The following GLP2R variants were observed in gnomAD, a reference collection of about 807,000 sequenced individuals.
GLP2R encodes the protein glucagon like peptide 2 receptor, also known as glucagon-like peptide 2 receptor.
GLP2R carries 59 observed loss-of-function variants against 68.2 expected under a neutral mutation model. The observed-to-expected ratio is 0.87, with a 90% CI of 0.70 to 1.07. The LOEUF (loss-of-function observed/expected upper bound fraction) is 1.07. Among genes scored for constraint, GLP2R ranks in the 50% least tolerant of loss-of-function variants. The probability of loss-of-function intolerance (pLI) is 0.00; values close to 1 mark genes in which losing one functional copy is unlikely to be tolerated. For missense variants in GLP2R, 548 were observed against 677.4 expected, an observed-to-expected ratio of 0.81 and a Z score of 2.12; for synonymous variants, 270 against 265.4, an observed-to-expected ratio of 1.02 and a Z score of -0.17.
chr17:9,838,379 G>T (rs2066753509), intron 3 of GLP2R, among the ~76,000 whole-genome samples: 1 of 152,190 alleles, frequency 6.6e-6, no homozygotes, highest in Non-Finnish European at 1.5e-5. Context: ...GCTGCCGCTT[G>T]GTCCGCGGGA....
intron 9 of GLP2R, among the ~76,000 whole-genome samples, chr17:9,862,900 T>C (rs924604602): frequency 6.6e-6 from 1 of 152,332 alleles, no homozygotes; most frequent in East Asian, 1.9e-4. Flanking sequence ...ATCTGGCATT[T>C]GTGGTACCAT....
intron 6 of GLP2R, among the ~76,000 whole-genome samples, chr17:9,858,297 G>A (rs916682857): frequency 3.9e-5 from 6 of 152,164 alleles, no homozygotes; most frequent in Admixed American, 6.5e-5. Flanking sequence ...TGCTAATGAC[G>A]CAGTAACCTA....
intron 6 of GLP2R, 123 bp from the exon 7 acceptor site, chr17:9,859,819 C>CAAAAAAAA (rs10567375): frequency 2.1e-5 from 3 of 143,888 alleles, no homozygotes; most frequent in Non-Finnish European, 3.4e-5. Flanking sequence ...GATTCTGTCT[C>CAAAAAAAA]AAAAAAAAAA....
chr17:9,889,839 G>A lies in GLP2R; in HGVS notation c.*134G>A. On this transcript the variant is annotated 3_prime_UTR_variant, in exon 13 of 13. Coordinates refer to ENST00000262441, the MANE Select transcript of GLP2R (RefSeq NM_004246.3). Reference sequence around the variant, plus strand: ...TTCACCATGCCACTTTGATATGAAAGCTATCACAAGGTTCTTCAAGCTCTG... The same window carrying A: ...TTCACCATGCCACTTTGATATGAAAACTATCACAAGGTTCTTCAAGCTCTG... The A allele has an allele frequency of 6.3e-6, 4 of 636,704 alleles. No homozygotes were observed. Among genetic ancestry groups the A allele is most frequent in the Non-Finnish European group, 1.1e-5 (4 of 364,768 alleles). The allele number at this position is 636,704 out of a possible 1,614,324, so 39.4% of individuals were successfully genotyped here.
intron 4 of GLP2R, among the ~76,000 whole-genome samples, chr17:9,847,496 C>CT (rs1180009984): frequency 6.6e-6 from 1 of 152,100 alleles, no homozygotes; most frequent in African/African-American, 2.4e-5. Context: ...TCTCGAATGC[C>CT]TGACCTCGTG....
intron 9 of GLP2R, 33 bp downstream of exon 9, chr17:9,862,123 G>C (rs1384896127): frequency 1.3e-6 from 2 of 1,515,310 alleles, no homozygotes; most frequent in Non-Finnish European, 1.8e-6. Context: ...CTTTGTCTCG[G>C]AGCCTAGCAG....
At chr17:9,881,378 CTTT>C (rs35526930) in intron 11 of GLP2R, among the ~76,000 whole-genome samples, 6 of 95,638 alleles carry the variant, frequency 6.3e-5, no homozygotes, top group African/African-American at 1.5e-4. Context: ...GCTGTCAGGC[CTTT>C]TTTTTTTTTT....
At chr17:9,828,890 G>A (rs1159139461) in intron 1 of GLP2R, among the ~76,000 whole-genome samples, 2 of 152,148 alleles carry the variant, frequency 1.3e-5, no homozygotes, top group East Asian at 1.9e-4. Context: ...CCCAGTCTGC[G>A]TTTTCAGAGC....
intron 10 of GLP2R, among the ~76,000 whole-genome samples, chr17:9,874,952 G>C (rs1037844759): frequency 2.6e-5 from 4 of 152,098 alleles, no homozygotes; most frequent in African/African-American, 4.8e-5. Context: ...CACAGACTAG[G>C]GTGAGATAGG....
At position 9,841,714 on chromosome 17, in the gene GLP2R, G is replaced by A. The variant is rs116002557; in HGVS notation, c.383-781G>A. On this transcript the variant is annotated intron_variant, in intron 3 of 12. Transcript: ENST00000262441. ...CACCCTACCTAGCAAAGCTGTCAGG[G>A]GAGTAGGGGGCTATACCCTTTGGTT... 9.2e-3 allele frequency among the ~76,000 whole-genome samples: 1,400 copies of A among 152,316 alleles called. 24 individuals are homozygous for A. The highest frequency in any genetic ancestry group is 0.032 in the African/African-American group (1,321 of 41,570).
intron 10 of GLP2R, among the ~76,000 whole-genome samples, chr17:9,872,292 T>C (rs1001249407): frequency 2.6e-5 from 4 of 152,106 alleles, no homozygotes; most frequent in African/African-American, 4.8e-5. Flanking sequence ...AAGGTGGACA[T>C]GAGGCCAGGT....
chr17:9,828,854 G>A lies in GLP2R; in HGVS notation c.189+2602G>A, dbSNP rs945798449. Among the ~76,000 whole-genome samples, 60 of 152,228 alleles carry A rather than the reference G, an allele frequency of 3.9e-4. 1 individual carries two copies. The highest frequency in any genetic ancestry group is 1.3e-3 in the African/African-American group (53 of 41,540). ...TTTATAATCAATAACATGTCTGCTGGCAGTGTCTGCTTCCACTCTCTGCCA... is the reference window on the plus strand; with the variant it reads ...TTTATAATCAATAACATGTCTGCTGACAGTGTCTGCTTCCACTCTCTGCCA... On this transcript the variant is annotated intron_variant, in intron 1 of 12. Transcript: ENST00000262441.
chr17:9,849,359 A>G (rs2066870936), intron 4 of GLP2R, among the ~76,000 whole-genome samples: 1 of 152,042 alleles, frequency 6.6e-6, no homozygotes, highest in African/African-American at 2.4e-5. Flanking sequence ...GATTAAGGAC[A>G]TCATTCTACA....
At chr17:9,859,662 T>C (rs1476793623) in intron 6 of GLP2R, among the ~76,000 whole-genome samples, 1 of 146,310 alleles carries the variant, frequency 6.8e-6, no homozygotes, top group Non-Finnish European at 1.5e-5. Context: ...TACATACATA[T>C]ACAAAAATTA....
chr17:9,869,399 C>T (rs370587138), intron 9 of GLP2R, among the ~76,000 whole-genome samples: 14 of 152,210 alleles, frequency 9.2e-5, no homozygotes, highest in Non-Finnish European at 1.6e-4. Context: ...CCTGCAGAAA[C>T]GGACCCCCCT....
intron 3 of GLP2R, among the ~76,000 whole-genome samples, chr17:9,841,634 T>C (rs961995454): frequency 6.6e-6 from 1 of 152,112 alleles, no homozygotes; most frequent in African/African-American, 2.4e-5. Context: ...GAGCAGATTT[T>C]GAAAAGAAGA....
Position 9,836,470 on chromosome 17 carries a change from G to C in GLP2R, c.377G>C (p.Ser126Thr). ...TGCCCTTCATACTTACCTTGGTGGA[G>C]TGAAGGTAATAAGTCTTATTTTTAC... is the stretch of plus-strand genomic sequence containing the variant. ...VPCPSYLPWW[S>T]EESSGRAYRH... The change falls in exon 3 of 13, where the codon AGT (serine) becomes ACT (threonine). Residue 126 changes from serine (S) to threonine (T), a missense_variant. Physicochemically the swap from Ser to Thr is moderately conservative, Grantham distance 58. Transcript: ENST00000262441. 2 of 1,579,838 alleles carry C rather than the reference G, an allele frequency of 1.3e-6. No individual in the cohort carries two copies. Among genetic ancestry groups the C allele is most frequent in the Non-Finnish European group, 1.7e-6 (2 of 1,148,622 alleles).
chr17:9,875,916 T>A (rs950917397), intron 10 of GLP2R, among the ~76,000 whole-genome samples: 2 of 152,248 alleles, frequency 1.3e-5, no homozygotes, highest in African/African-American at 4.8e-5. Context: ...TCACTCTTGT[T>A]GCCCATGCTG....
At chr17:9,872,850 G>GTGGCCA (rs1012639073) in intron 10 of GLP2R, among the ~76,000 whole-genome samples, 8 of 152,166 alleles carry the variant, frequency 5.3e-5, no homozygotes, top group African/African-American at 1.9e-4. Context: ...ATAAATATGG[G>GTGGCCA]TGGCCACTCT....
Sources: gnomAD v4.1 joint callset for allele counts (sites outside exome capture counted in the v4.1 genomes callset) on GRCh38, gnomAD v4.1.1 for gene constraint, MANE v1.5 for transcripts, NCBI Gene and HGNC (gene_info 2026-07-23, HGNC 2026-07-21) for gene names.